The following CDK8 variants were observed in gnomAD, a reference collection of about 807,000 sequenced individuals.
CDK8 encodes cyclin-dependent kinase 8.
CDK8 carries 29 observed loss-of-function variants against 71.5 expected under a neutral mutation model. The observed-to-expected ratio is 0.41, with a 90% CI of 0.30 to 0.55. The LOEUF (loss-of-function observed/expected upper bound fraction) is 0.55. CDK8 is among the 20% of genes least tolerant of loss of function. The pLI, the probability that CDK8 is intolerant of heterozygous loss-of-function variation, is 0.37. For synonymous variants in CDK8, 161 were observed against 192.1 expected, an observed-to-expected ratio of 0.84 and a Z score of 1.34; for missense variants, 288 against 572.6, an observed-to-expected ratio of 0.50 and a Z score of 5.07.
chr13:26,383,017 G>A (rs538297166), intron 5 of CDK8, 146 bp downstream of exon 5: 170 of 484,856 alleles, frequency 3.5e-4, no homozygotes, highest in African/African-American at 2.7e-3. Flanking sequence ...ATGCATAAAA[G>A]TGAAAAATGT....
intron 1 of CDK8, among the ~76,000 whole-genome samples, chr13:26,307,851 T>C (rs889691492): frequency 8.5e-5 from 13 of 152,218 alleles, no homozygotes; most frequent in African/African-American, 3.1e-4. Flanking sequence ...TAAAAAAAAG[T>C]GTTAGCACTT....
chr13:26,296,550 A>G (rs367557908), intron 1 of CDK8, among the ~76,000 whole-genome samples: 2 of 152,222 alleles, frequency 1.3e-5, no homozygotes, highest in African/African-American at 4.8e-5. Context: ...GCTCTGGGTG[A>G]TATCAGGTAC....
At chr13:26,388,116 G>T (rs1326237074) in intron 6 of CDK8, among the ~76,000 whole-genome samples, 3 of 152,180 alleles carry the variant, frequency 2.0e-5, no homozygotes, top group Non-Finnish European at 4.4e-5. Context: ...AGCAATGTTT[G>T]TGATCTTCCC....
chr13:26,391,690 C>T (rs1315946839), intron 6 of CDK8, among the ~76,000 whole-genome samples: 3 of 152,264 alleles, frequency 2.0e-5, no homozygotes, highest in South Asian at 2.1e-4. Context: ...ATATACCTTT[C>T]GATGACAAAA....
At chr13:26,319,978 G>T (rs1215541655) in intron 1 of CDK8, among the ~76,000 whole-genome samples, 1 of 152,084 alleles carries the variant, frequency 6.6e-6, no homozygotes, top group Non-Finnish European at 1.5e-5. Context: ...GGAAAGGACA[G>T]CCCTTTCAAC....
intron 1 of CDK8, among the ~76,000 whole-genome samples, chr13:26,266,680 A>G (rs1872035088): frequency 6.6e-6 from 1 of 152,168 alleles, no homozygotes; most frequent in Non-Finnish European, 1.5e-5. Flanking sequence ...GTCATAACAC[A>G]CTTTGTAGGT....
At chr13:26,317,795 GTA>G (rs1332819448) in intron 1 of CDK8, among the ~76,000 whole-genome samples, 1 of 152,114 alleles carries the variant, frequency 6.6e-6, no homozygotes, top group African/African-American at 2.4e-5. Context: ...AGCAAAAGCA[GTA>G]GTAAGGGGGA....
chr13:26,347,274 T>C (rs1328600544), intron 2 of CDK8, among the ~76,000 whole-genome samples: 1 of 152,212 alleles, frequency 6.6e-6, no homozygotes, highest in East Asian at 1.9e-4. Context: ...TGTTATTTTA[T>C]GAAAAGTTAC....
chr13:26,376,301 TCTC>T (rs1167462643), intron 4 of CDK8, among the ~76,000 whole-genome samples: 1 of 152,288 alleles, frequency 6.6e-6, no homozygotes, highest in East Asian at 1.9e-4. Flanking sequence ...CCTTGATACT[TCTC>T]CTTTAAGATG....
intron 1 of CDK8, among the ~76,000 whole-genome samples, chr13:26,324,332 T>G (rs1355684167): frequency 6.6e-6 from 1 of 152,172 alleles, no homozygotes; most frequent in Non-Finnish European, 1.5e-5. Flanking sequence ...CAGTTAGTAT[T>G]GTTGACGGGG....
chr13:26,255,424 C>T (rs1191760618), intron 1 of CDK8, among the ~76,000 whole-genome samples: 1 of 152,200 alleles, frequency 6.6e-6, no homozygotes, highest in Non-Finnish European at 1.5e-5. Context: ...GGGACTATCT[C>T]GTTCAGGCGG....
chr13:26,277,982 A>G (rs1872617288), intron 1 of CDK8, among the ~76,000 whole-genome samples: 1 of 152,144 alleles, frequency 6.6e-6, no homozygotes, highest in Non-Finnish European at 1.5e-5. Context: ...ACTGTGACCA[A>G]TGACTTTGGC....
At chr13:26,258,610 T>C (rs531146918) in intron 1 of CDK8, among the ~76,000 whole-genome samples, 1 of 152,272 alleles carries the variant, frequency 6.6e-6, no homozygotes, top group African/African-American at 2.4e-5. Flanking sequence ...GAATTCAGAC[T>C]GTGCTTCTGA....
intron 1 of CDK8, among the ~76,000 whole-genome samples, chr13:26,336,138 CACACAT>C (rs1191638196): frequency 6.6e-5 from 10 of 151,396 alleles, no homozygotes; most frequent in Admixed American, 4.0e-4. Context: ...CACACACACA[CACACAT>C]ACACACATAC....
At chr13:26,289,712 A>G (rs911327773) in intron 1 of CDK8, among the ~76,000 whole-genome samples, 3 of 152,066 alleles carry the variant, frequency 2.0e-5, no homozygotes, top group African/African-American at 7.2e-5. Flanking sequence ...CACCATGCAC[A>G]GCTAATTTTT....
chr13:26,307,765 A>G (rs1407402757), intron 1 of CDK8, among the ~76,000 whole-genome samples: 1 of 152,212 alleles, frequency 6.6e-6, no homozygotes, highest in East Asian at 1.9e-4. Context: ...AGATGTATGT[A>G]TCCCTAAAAG....
At chr13:26,261,701 A>G (rs1035979291) in intron 1 of CDK8, among the ~76,000 whole-genome samples, 1 of 152,180 alleles carries the variant, frequency 6.6e-6, no homozygotes, top group Admixed American at 6.5e-5. Flanking sequence ...TTGTTTATAT[A>G]TTCATCAATT....
At chr13:26,308,489 T>C (rs986247162) in intron 1 of CDK8, among the ~76,000 whole-genome samples, 5 of 152,260 alleles carry the variant, frequency 3.3e-5, no homozygotes, top group African/African-American at 1.2e-4. Context: ...AATGGGCCAC[T>C]TGGCTGTTAC....
At chr13:26,297,767 C>T (rs187977914) in intron 1 of CDK8, among the ~76,000 whole-genome samples, 18 of 152,296 alleles carry the variant, frequency 1.2e-4, no homozygotes, top group Admixed American at 2.0e-4. Flanking sequence ...GGATATATTG[C>T]ATGTGTCTTA....
Sources: allele counts gnomAD v4.1 joint callset (sites outside exome capture counted in the v4.1 genomes callset), GRCh38; gene constraint gnomAD v4.1.1; transcripts MANE v1.5; gene names NCBI Gene and HGNC (gene_info 2026-07-23, HGNC 2026-07-21).